Variants in UBE2D2 observed in about 807,000 individuals in gnomAD.
The protein encoded by UBE2D2 is ubiquitin-conjugating enzyme E2 D2.
Under a neutral mutation model 24.2 loss-of-function variants are expected in UBE2D2, and 2 were observed. The ratio of observed to expected loss-of-function variants is 0.08; its 90% CI spans 0.03 to 0.26. The LOEUF (loss-of-function observed/expected upper bound fraction) is 0.26, where lower values mean the gene tolerates loss of function less well. Ranked by LOEUF, UBE2D2 falls within the 10% of genes least tolerant of loss-of-function variation. The probability of loss-of-function intolerance (pLI) is 1.00; values close to 1 mark genes in which losing one functional copy is unlikely to be tolerated. For missense variants in UBE2D2, 44 were observed against 177.6 expected (o/e 0.25, Z 4.28); for synonymous variants, 58 against 56.5 (o/e 1.03, Z -0.12).
chr5:139,574,475 C>T (rs1753425616), intron 1 of UBE2D2, among the ~76,000 whole-genome samples: 1 of 151,796 alleles, frequency 6.6e-6, no homozygotes, highest in Admixed American at 6.6e-5. Flanking sequence ...CACCCCATCC[C>T]CTACCTCCTA....
At chr5:139,586,432 G>A (rs550691370) in intron 1 of UBE2D2, among the ~76,000 whole-genome samples, 24 of 152,140 alleles carry the variant, frequency 1.6e-4, no homozygotes, top group African/African-American at 5.8e-4. Flanking sequence ...TTCAAGTGTA[G>A]ATCTGGTTTT....
chr5:139,622,056 G>A (rs931906138), intron 5 of UBE2D2, among the ~76,000 whole-genome samples: 5 of 152,192 alleles, frequency 3.3e-5, no homozygotes, highest in South Asian at 2.1e-4. Context: ...CATTGAACAC[G>A]TCACTGCACC....
intron 1 of UBE2D2, among the ~76,000 whole-genome samples, chr5:139,547,416 A>G (rs184089663): frequency 2.0e-4 from 31 of 152,282 alleles, no homozygotes; most frequent in African/African-American, 5.5e-4. Context: ...CGGTTTCACC[A>G]TATTGGCCAG....
At chr5:139,536,501 A>T (rs1270661060) in intron 1 of UBE2D2, among the ~76,000 whole-genome samples, 5 of 152,050 alleles carry the variant, frequency 3.3e-5, no homozygotes, top group Non-Finnish European at 5.9e-5. Flanking sequence ...GTAGCTGGGA[A>T]TACAGGCACA....
At chr5:139,578,057 C>T (rs1385353157) in intron 1 of UBE2D2, among the ~76,000 whole-genome samples, 1 of 152,144 alleles carries the variant, frequency 6.6e-6, no homozygotes, top group African/African-American at 2.4e-5. Context: ...GGTGCTCCAC[C>T]ATCTGTCTAT....
At chr5:139,534,482 C>T (rs1354448068) in intron 1 of UBE2D2, among the ~76,000 whole-genome samples, 1 of 151,312 alleles carries the variant, frequency 6.6e-6, no homozygotes, top group Non-Finnish European at 1.5e-5. Flanking sequence ...AGGAGAATGG[C>T]GTGAACCCCG....
chr5:139,537,039 C>T (rs1051610127), intron 1 of UBE2D2, among the ~76,000 whole-genome samples: 1 of 151,942 alleles, frequency 6.6e-6, no homozygotes, highest in Admixed American at 6.6e-5. Context: ...GAAAATTAGC[C>T]GGGCATGGTG....
chr5:139,562,198 G>A (rs1753116562), intron 1 of UBE2D2: 1 of 1,379,322 alleles, frequency 7.2e-7, no homozygotes, highest in Admixed American at 2.0e-5. Context: ...GAGGTCGAAA[G>A]GGCTTCTCGC....
intron 1 of UBE2D2, chr5:139,562,273 C>A: frequency 7.4e-7 from 1 of 1,357,540 alleles, no homozygotes; most frequent in East Asian, 4.5e-5. Flanking sequence ...TGAGCTCGGG[C>A]TGACAGAGGA....
In UBE2D2 at chr5:139,579,659, C is replaced by T. The variant is rs140275616; in HGVS notation, c.24+17844C>T. ...CTGTAATTGTAACTATCTGGTTCTT[C>T]AACAGATATTTACTGGGCAGTTTTC... On this transcript the variant is annotated intron_variant, in intron 1 of 6. Transcript: ENST00000398733. Among the ~76,000 whole-genome samples the T allele has an allele frequency of 3.0e-3, 455 of 152,170 alleles. 3 individuals are homozygous for T. The highest frequency in any genetic ancestry group is 4.9e-3 in the Non-Finnish European group (330 of 68,008).
At chr5:139,546,341 T>A (rs964625770) in intron 1 of UBE2D2, among the ~76,000 whole-genome samples, 1 of 151,656 alleles carries the variant, frequency 6.6e-6, no homozygotes, top group Non-Finnish European at 1.5e-5. Context: ...TGAGCCTGGC[T>A]GCCTGGCTAA....
chr5:139,576,323 C>A (rs1304718520), intron 1 of UBE2D2, among the ~76,000 whole-genome samples: 14 of 152,142 alleles, frequency 9.2e-5, no homozygotes, highest in Non-Finnish European at 7.3e-5. Context: ...TTGCCTCTTC[C>A]AACTTTGGTG....
rs542528518 is a variant in UBE2D2 at position 139,587,723 on chromosome 5, TAATAGAGTGA to T, written c.25-12636_25-12627del. 8.7e-3 allele frequency among the ~76,000 whole-genome samples: 1,296 copies of T among 148,484 alleles called. 12 individuals carry two copies. The highest frequency in any genetic ancestry group is 0.021 in the Middle Eastern group (6 of 284). Reference sequence around the variant, plus strand: ...ACCAGAAGAGTGCGGTTGCAAGATTTAATAGAGTGAAATAGAGTGAAAACAGAGCTCCCAT... The same window carrying T: ...ACCAGAAGAGTGCGGTTGCAAGATTTAATAGAGTGAAAACAGAGCTCCCAT... On this transcript the variant is annotated intron_variant, in intron 1 of 6. Transcript: ENST00000398733.
At chr5:139,572,475 A>G (rs900717258) in intron 1 of UBE2D2, among the ~76,000 whole-genome samples, 2 of 152,078 alleles carry the variant, frequency 1.3e-5, no homozygotes, top group Admixed American at 6.6e-5. Flanking sequence ...ATGTGCCTGT[A>G]ATCCCTGCTA....
chr5:139,623,326 G>T, intron 5 of UBE2D2, 42 bp from the exon 6 acceptor site: 1 of 1,473,722 alleles, frequency 6.8e-7, no homozygotes, highest in South Asian at 1.3e-5. Context: ...TCAACCCTTT[G>T]CTTTGATCCT....
At chr5:139,559,480 C>T (rs1329349371), upstream of UBE2D2, among the ~76,000 whole-genome samples, 1 of 151,890 alleles carries the variant, frequency 6.6e-6, no homozygotes, top group Non-Finnish European at 1.5e-5. Context: ...CCTCCCATCA[C>T]ATTTCTTAGG....
At chr5:139,602,112 C>T (rs1754092525) in intron 2 of UBE2D2, among the ~76,000 whole-genome samples, 1 of 152,006 alleles carries the variant, frequency 6.6e-6, no homozygotes. Context: ...AGTGCAGTGG[C>T]GTGACCTCGG....
intron 1 of UBE2D2, among the ~76,000 whole-genome samples, chr5:139,555,710 C>T (rs909923389): frequency 2.0e-5 from 3 of 149,178 alleles, no homozygotes; most frequent in Non-Finnish European, 3.0e-5. Flanking sequence ...GCAGGGATCA[C>T]GAGGTCAAGA....
chr5:139,579,835 C>T (rs1753555739), intron 1 of UBE2D2, among the ~76,000 whole-genome samples: 1 of 151,856 alleles, frequency 6.6e-6, no homozygotes, highest in South Asian at 2.1e-4. Context: ...ATCACGAGGT[C>T]AGGAGTTCGA....
Sources: gnomAD v4.1 joint callset for allele counts (sites outside exome capture counted in the v4.1 genomes callset) on GRCh38, gnomAD v4.1.1 for gene constraint, MANE v1.5 for transcripts, NCBI Gene and HGNC (gene_info 2026-07-23, HGNC 2026-07-21) for gene names.